DMD: variants seen among roughly 807,000 people sequenced by gnomAD.
DMD encodes mutant dystrophin.
A neutral mutation model predicts 330.1 loss-of-function variants in DMD; 63 were observed. The observed-to-expected ratio is 0.19, with a 90% CI of 0.16 to 0.24. The LOEUF is 0.24. Among genes scored for constraint, DMD ranks in the 10% least tolerant of loss-of-function variants. The probability of loss-of-function intolerance (pLI) is 1.00; values close to 1 mark genes in which losing one functional copy is unlikely to be tolerated. For missense variants in DMD, 3,344 were observed against 2,684.1 expected (o/e 1.25, Z -5.43); for synonymous variants, 1,223 against 959.8 (o/e 1.27, Z -5.07).
chrX:32,038,314 C>T (rs969865788), intron 44 of DMD, among the ~76,000 whole-genome samples: 22 of 111,845 alleles, frequency 2.0e-4, no homozygotes, highest in African/African-American at 6.5e-4. Context: ...AGCTTTGTCC[C>T]GTGACCTTTC....
At chrX:32,777,186 C>T (rs181957317) in intron 7 of DMD, among the ~76,000 whole-genome samples, 6 of 95,384 alleles carry the variant, frequency 6.3e-5, no homozygotes, top group Admixed American at 1.3e-4. Context: ...CACTTTGTTT[C>T]GCAGCATTAT....
intron 7 of DMD, among the ~76,000 whole-genome samples, chrX:32,762,411 C>G (rs905190271): frequency 9.0e-6 from 1 of 111,590 alleles, no homozygotes; most frequent in Admixed American, 9.5e-5. Flanking sequence ...CTGAAGCCAA[C>G]GGACAAAGTC....
At chrX:33,083,148 G>A (rs2094955365) in intron 1 of DMD, among the ~76,000 whole-genome samples, 2 of 111,831 alleles carry the variant, frequency 1.8e-5, no homozygotes, top group Admixed American at 9.5e-5. Context: ...GCTTCCAGAA[G>A]AACGGAGTGG....
intron 2 of DMD, among the ~76,000 whole-genome samples, chrX:32,919,428 G>C (rs757701500): frequency 8.9e-6 from 1 of 111,943 alleles, no homozygotes; most frequent in Non-Finnish European, 1.9e-5. Context: ...AAAGTAAATG[G>C]ATGCATGTAA....
At chrX:31,907,091 C>T (rs1415081388) in intron 47 of DMD, among the ~76,000 whole-genome samples, 1 of 111,821 alleles carries the variant, frequency 8.9e-6, no homozygotes, top group Non-Finnish European at 1.9e-5. Flanking sequence ...TTGTAAGTAC[C>T]TGAGTACTGA....
chrX:32,251,941 T>G (rs1489368334), intron 43 of DMD, among the ~76,000 whole-genome samples: 1 of 111,456 alleles, frequency 9.0e-6, no homozygotes, highest in Non-Finnish European at 1.9e-5. Context: ...AAGGCTGCAG[T>G]GAGCCGTGAT....
At position 31,144,078 on chromosome X, in the gene DMD, C is replaced by T. The variant is rs149602818; in HGVS notation, c.10921+2213G>A. On this transcript the variant is annotated intron_variant, in intron 76 of 78. Coordinates refer to ENST00000357033, the MANE Select transcript of DMD (RefSeq NM_004006.3). ...GTAAATTCAGGAAAATAACCTCAAACATATCCTTTTCCTTCTCAAAAAAAT... is the reference window on the plus strand; with the variant it reads ...GTAAATTCAGGAAAATAACCTCAAATATATCCTTTTCCTTCTCAAAAAAAT... 6.3e-4 allele frequency among the ~76,000 whole-genome samples: 70 copies of T among 111,675 alleles called. 1 individual carries two copies. The East Asian group carries it at 0.017, about 27-fold the overall frequency.
chrX:31,613,206 C>A (rs1458928671), intron 55 of DMD, among the ~76,000 whole-genome samples: 2 of 112,117 alleles, frequency 1.8e-5, no homozygotes, highest in Admixed American at 1.9e-4. Context: ...ATGTTCTCAT[C>A]CCCTTGAATC....
chrX:32,233,944 A>C (rs1313857164), intron 43 of DMD, among the ~76,000 whole-genome samples: 1 of 110,981 alleles, frequency 9.0e-6, no homozygotes, highest in Non-Finnish European at 1.9e-5. Context: ...ACAATTTCTT[A>C]GGCTTCATTT....
At chrX:32,324,868 A>G (rs2097642450) in intron 41 of DMD, among the ~76,000 whole-genome samples, 1 of 111,957 alleles carries the variant, frequency 8.9e-6, no homozygotes, top group African/African-American at 3.2e-5. Flanking sequence ...CAAAAATTAC[A>G]TAGAGAGGAA....
At chrX:32,499,063 T>C (rs1329675343) in intron 19 of DMD, among the ~76,000 whole-genome samples, 5 of 112,201 alleles carry the variant, frequency 4.5e-5, no homozygotes, top group African/African-American at 1.6e-4. Flanking sequence ...GAAATATGTC[T>C]GATGTACCAT....
chrX:32,692,375 G>A (rs1057144197), intron 9 of DMD, among the ~76,000 whole-genome samples: 9 of 111,616 alleles, frequency 8.1e-5, no homozygotes, highest in Non-Finnish European at 1.3e-4. Flanking sequence ...AGGCTTCCTC[G>A]AAGCAAATTA....
At chrX:31,652,839 A>C (rs1355775824) in intron 54 of DMD, among the ~76,000 whole-genome samples, 1 of 111,187 alleles carries the variant, frequency 9.0e-6, no homozygotes, top group Admixed American at 9.6e-5. Flanking sequence ...AAAGAACAGG[A>C]AACAGTAATG....
chrX:32,093,948 G>A (rs1196548507), intron 44 of DMD, among the ~76,000 whole-genome samples: 1 of 110,516 alleles, frequency 9.0e-6, no homozygotes, highest in Non-Finnish European at 1.9e-5. Context: ...AAATTTACTG[G>A]AGATATCAAT....
At chrX:32,690,233 T>A (rs2063178033) in intron 9 of DMD, among the ~76,000 whole-genome samples, 2 of 111,018 alleles carry the variant, frequency 1.8e-5, no homozygotes, top group African/African-American at 6.5e-5. Flanking sequence ...ATACAAAAAT[T>A]AGTTGAGTTT....
chrX:32,316,217 G>A (rs1026203453), intron 41 of DMD, among the ~76,000 whole-genome samples: 3 of 110,970 alleles, frequency 2.7e-5, no homozygotes, highest in Non-Finnish European at 3.8e-5. Context: ...AAATTCTTAT[G>A]GTTGAACATA....
At chrX:31,195,875 G>A (rs1569450228) in intron 67 of DMD, among the ~76,000 whole-genome samples, 1 of 110,537 alleles carries the variant, frequency 9.0e-6, no homozygotes, top group Non-Finnish European at 1.9e-5. Flanking sequence ...AGGAAGGAAG[G>A]AAGAAAGAAA....
At chrX:32,240,318 G>T (rs2148055462) in intron 43 of DMD, among the ~76,000 whole-genome samples, 1 of 111,486 alleles carries the variant, frequency 9.0e-6, no homozygotes, top group Non-Finnish European at 1.9e-5. Flanking sequence ...GCCTTTGGAA[G>T]GTAATTAGGT....
intron 12 of DMD, among the ~76,000 whole-genome samples, chrX:32,613,355 G>A (rs1260010826): frequency 1.8e-5 from 2 of 110,160 alleles, no homozygotes; most frequent in Non-Finnish European, 3.8e-5. Flanking sequence ...AGAGCTAATT[G>A]TAATATTTTA....
Sources: gnomAD v4.1 joint callset for allele counts (sites outside exome capture counted in the v4.1 genomes callset) on GRCh38, gnomAD v4.1.1 for gene constraint, MANE v1.5 for transcripts, NCBI Gene and HGNC (gene_info 2026-07-23, HGNC 2026-07-21) for gene names.